The following KIF18B variants were observed in gnomAD, a reference collection of about 807,000 sequenced individuals.
KIF18B encodes the protein kinesin-like protein KIF18B.
Under a neutral mutation model 80.9 loss-of-function variants are expected in KIF18B, and 49 were observed. The ratio of observed to expected loss-of-function variants is 0.61; its 90% CI spans 0.48 to 0.77. KIF18B has a LOEUF of 0.77. KIF18B is among the 30% of genes least tolerant of loss of function. The pLI, the probability that KIF18B is intolerant of heterozygous loss-of-function variation, is 0.00. For synonymous variants in KIF18B, 439 were observed against 463.9 expected (o/e 0.95, Z 0.69); for missense variants, 994 against 1,127.7 (o/e 0.88, Z 1.70).
At chr17:44,940,061 G>A (rs1254408264) in intron 1 of KIF18B, among the ~76,000 whole-genome samples, 2 of 152,232 alleles carry the variant, frequency 1.3e-5, no homozygotes, top group Non-Finnish European at 2.9e-5. Context: ...GATTACAGGC[G>A]TGAGCCACTG....
chr17:44,936,614 ATATATATATATTTTT>A (rs2052309314), intron 1 of KIF18B, among the ~76,000 whole-genome samples: 12 of 79,118 alleles, frequency 1.5e-4, no homozygotes, highest in Admixed American at 3.4e-4. Flanking sequence ...ATATATATAT[ATATATATATATTTTT>A]TTTTTTTTTT....
chr17:44,927,137 C>A lies in KIF18B; in HGVS notation c.2277-59G>T. On this transcript the variant is annotated intron_variant, in intron 13 of 15. Coordinates refer to ENST00000593135, the MANE Select transcript of KIF18B (RefSeq NM_001265577.2). The surrounding 1 kb of genome is among the most constrained non-coding windows in gnomAD (Gnocchi z 4.1). ...GCAGGGAACCGGAAGCAAGGCCAGC[C>A]ACTTCCTCCCTCCAGCCCCCAGCTC... is the stretch of plus-strand genomic sequence containing the variant. 7.6e-7 allele frequency: 1 copy of A among 1,313,074 alleles called. No individual in the cohort carries two copies. Among genetic ancestry groups the A allele is most frequent in the Non-Finnish European group, 1.1e-6 (1 of 942,420 alleles). The allele number at this position is 1,313,074 out of a possible 1,614,324, so 81.3% of individuals were successfully genotyped here. A position where few individuals can be genotyped will look rare whatever the true frequency, so the allele number is the denominator to read the frequency against.
At chr17:44,936,512 ATC>A (rs1049663759) in intron 1 of KIF18B, 154 bp from the exon 2 acceptor site, 1 of 580,814 alleles carries the variant, frequency 1.7e-6, no homozygotes. Flanking sequence ...AACCAATTAT[ATC>A]TCTTTCTCAC....
chr17:44,928,592 A>G lies in KIF18B; in HGVS notation c.1724-14T>C, dbSNP rs2052081934. 6.9e-7 allele frequency: 1 copy of G among 1,446,298 alleles called. No homozygotes were observed. Among genetic ancestry groups the G allele is most frequent in the Non-Finnish European group, 9.0e-7 (1 of 1,106,572 alleles). The allele number at this position is 1,446,298 out of a possible 1,614,324, so 89.6% of individuals were successfully genotyped here. ...ACGGCACAGGGACTGCACAGAAGGA[A>G]GGAGAGTTTGTAGAACTTGGGGAGC... On this transcript the variant is annotated splice_polypyrimidine_tract_variant and intron_variant, in intron 12 of 15. Coordinates refer to ENST00000593135, the MANE Select transcript of KIF18B (RefSeq NM_001265577.2).
rs375780925 is a variant in KIF18B at position 44,926,396 on chromosome 17, G to A, written c.2452+18C>T. 127 of 1,562,184 alleles carry A rather than the reference G, an allele frequency of 8.1e-5. 1 individual carries two copies. In the African/African-American group the frequency reaches 1.5e-3, roughly 19 times the overall value. ...GGCCTCCATGGCCCAGGCTATCCCTGTCCCTAGTGCCAGTCACCTGGGAGT... is the reference window on the plus strand; with the variant it reads ...GGCCTCCATGGCCCAGGCTATCCCTATCCCTAGTGCCAGTCACCTGGGAGT... On this transcript the variant is annotated intron_variant, in intron 15 of 15. Coordinates refer to ENST00000593135, the MANE Select transcript of KIF18B (RefSeq NM_001265577.2).
In KIF18B at chr17:44,934,383, G is replaced by T; in HGVS notation, c.735C>A (p.Val245=). The part of the protein sequence containing the change: ...QDRVPGLTQA[V]QVAKMSLIDL... ...CAATCAGGCTCATCTTGGCCACCTG[G>T]ACAGCCTGGGTCAGTCCTGGAACCC... is the stretch of plus-strand genomic sequence containing the variant. Residue 245 remains valine, a synonymous_variant, in exon 6 of 16, where the codon GTC becomes GTA. Coordinates refer to ENST00000593135, the MANE Select transcript of KIF18B (RefSeq NM_001265577.2). The surrounding 1 kb of genome is among the most constrained non-coding windows in gnomAD (Gnocchi z 5.4). 1 of 1,606,916 alleles carries T rather than the reference G, an allele frequency of 6.2e-7. No individual in the cohort carries two copies. Among genetic ancestry groups the T allele is most frequent in the Admixed American group, 1.7e-5 (1 of 58,888 alleles).
Position 44,933,918 on chromosome 17 carries a change from C to T in KIF18B, c.1062+5G>A, listed in dbSNP as rs762066174. 16 of 1,553,678 alleles carry T rather than the reference C, an allele frequency of 1.0e-5. No individual in the cohort carries two copies. Among genetic ancestry groups the T allele is most frequent in the East Asian group, 2.4e-5 (1 of 41,610 alleles). On this transcript the variant is annotated splice_donor_5th_base_variant and intron_variant, in intron 7 of 15. Coordinates refer to ENST00000593135, the MANE Select transcript of KIF18B (RefSeq NM_001265577.2). ...ACGCCCAAGCCGGCCCTGGCTGGCA[C>T]GCACCGAGAGCCTGATCTCCTTGGC...
At chr17:44,947,476 G>A (rs1247275953) in intron 1 of KIF18B, among the ~76,000 whole-genome samples, 152 bp downstream of exon 1, 1 of 152,200 alleles carries the variant, frequency 6.6e-6, no homozygotes, top group Non-Finnish European at 1.5e-5. Context: ...GCCTGCCGGG[G>A]CGGCAGCAAA....
At chr17:44,928,794 C>T in intron 12 of KIF18B, 25 bp downstream of exon 12, 1 of 1,607,886 alleles carries the variant, frequency 6.2e-7, no homozygotes, top group Non-Finnish European at 8.5e-7. Context: ...TGAAGACAGG[C>T]AGGGGAGAGC....
chr17:44,926,911 C>G, intron 14 of KIF18B, 78 bp downstream of exon 14: 1 of 1,256,998 alleles, frequency 8.0e-7, no homozygotes, highest in Non-Finnish European at 1.1e-6. Flanking sequence ...ACTGGGGGCC[C>G]AGAGTCGGCC....
chr17:44,940,657 G>T (rs1362860173), intron 1 of KIF18B, among the ~76,000 whole-genome samples: 2 of 152,192 alleles, frequency 1.3e-5, no homozygotes, highest in African/African-American at 4.8e-5. Context: ...AGGAACAGGG[G>T]CTGTTCCTGG....
At chr17:44,945,990 T>A (rs565249519) in intron 1 of KIF18B, among the ~76,000 whole-genome samples, 2 of 144,458 alleles carry the variant, frequency 1.4e-5, no homozygotes, top group Non-Finnish European at 3.0e-5. Flanking sequence ...GAAGCTGAGG[T>A]AGGAGAATAG....
rs74663831 is a variant in KIF18B at position 44,929,553 on chromosome 17, A to T, written c.1518-529T>A. 2.0e-3 allele frequency among the ~76,000 whole-genome samples: 309 copies of T among 152,344 alleles called. 10 individuals are homozygous for T. The East Asian group carries it at 0.023, about 12-fold the overall frequency. On this transcript the variant is annotated intron_variant, in intron 11 of 15. Coordinates refer to ENST00000593135, the MANE Select transcript of KIF18B (RefSeq NM_001265577.2). The stretch of plus-strand genomic sequence containing the variant: ...GTCTCCACAACCTTAGAATGGGGAT[A>T]ACAAATGCCCCCACCTCATAGGGTT...
chr17:44,928,375 G>T lies in KIF18B; in HGVS notation c.1927C>A (p.Pro643Thr). ...SALEADSPMA[P>T]KRGTKRQRQS... ...CGCTGGCGCTTGGTGCCCCGCTTTG[G>T]GGCCATGGGACTGTCTGCCTCCAAG... is the stretch of plus-strand genomic sequence containing the variant. Residue 643 changes from proline (P) to threonine (T), a missense_variant, in exon 13 of 16, where the codon CCA (proline) becomes ACA (threonine). By Grantham distance (38) the Pro-to-Thr change is conservative. Coordinates refer to ENST00000593135, the MANE Select transcript of KIF18B (RefSeq NM_001265577.2). 6.3e-7 allele frequency: 1 copy of T among 1,585,534 alleles called. No homozygotes were observed. Among genetic ancestry groups the T allele is most frequent in the Non-Finnish European group, 8.6e-7 (1 of 1,167,592 alleles).
At position 44,934,458 on chromosome 17, in the gene KIF18B, G is replaced by T; in HGVS notation, c.688-28C>A. On this transcript the variant is annotated intron_variant, in intron 5 of 15. Coordinates refer to ENST00000593135, the MANE Select transcript of KIF18B (RefSeq NM_001265577.2). The surrounding 1 kb of genome is among the most constrained non-coding windows in gnomAD (Gnocchi z 5.4). The stretch of plus-strand genomic sequence containing the variant: ...GAAGGCAGATGGCAGGGGTGAGGGG[G>T]AGATGGGCATCAGGGGCACTGGTTT... 3.1e-6 allele frequency: 5 copies of T among 1,604,362 alleles called. No homozygotes were observed. Among genetic ancestry groups the T allele is most frequent in the Non-Finnish European group, 4.3e-6 (5 of 1,174,142 alleles).
rs755645107 is a variant in KIF18B, at chr17:44,928,058, C to T, written c.2244G>A (p.Glu748=). 5 of 1,533,092 alleles carry T rather than the reference C, an allele frequency of 3.3e-6. No individual in the cohort carries two copies. The African/African-American group carries it at 6.9e-5, about 21-fold the overall frequency. The allele number at this position is 1,533,092 out of a possible 1,614,324, so 95.0% of individuals were successfully genotyped here. ...ECIGWDKIPQ[E]LSRLDQPFIP... is the part of the protein sequence containing the mutation. ...TGAAGGGCTGGTCCAGCCTGCTCAG[C>T]TCCTGGGGTATTTTGTCCCAGCCAA... The change falls in exon 13 of 16, where the codon GAG becomes GAA. Residue 748 remains glutamate (E), a synonymous_variant. Coordinates refer to ENST00000593135, the MANE Select transcript of KIF18B (RefSeq NM_001265577.2).
Position 44,928,857 on chromosome 17 carries a change from C to G in KIF18B, c.1685G>C (p.Arg562Thr). ...CAGCTCCTGAGCCAGAGGTGCCCCC[C>G]TGGCCAGGCCTGAAGTCCTCAAGGC... The part of the protein sequence containing the change: ...AEALRTSGLA[R>T]GAPLAQELCS... The change falls in exon 12 of 16, where the codon AGG becomes ACG. Residue 562 changes from arginine to threonine, a missense_variant. Coordinates refer to ENST00000593135, the MANE Select transcript of KIF18B (RefSeq NM_001265577.2). 1.2e-6 allele frequency: 2 copies of G among 1,613,892 alleles called. No homozygotes were observed. Among genetic ancestry groups the G allele is most frequent in the Non-Finnish European group, 1.7e-6 (2 of 1,179,832 alleles).
intron 1 of KIF18B, among the ~76,000 whole-genome samples, chr17:44,943,892 T>G (rs1190876024): frequency 6.6e-6 from 1 of 152,226 alleles, no homozygotes; most frequent in East Asian, 1.9e-4. Context: ...AATTTTTAAT[T>G]TTTTTGTAGA....
intron 1 of KIF18B, among the ~76,000 whole-genome samples, chr17:44,940,231 A>C (rs1427871024): frequency 6.6e-6 from 1 of 152,258 alleles, no homozygotes; most frequent in Admixed American, 6.5e-5. Flanking sequence ...TCTTTCAATT[A>C]AATGATGATA....
Sources: allele counts gnomAD v4.1 joint callset (sites outside exome capture counted in the v4.1 genomes callset), GRCh38; gene constraint gnomAD v4.1.1; non-coding constraint Gnocchi (gnomAD v3.1); transcripts MANE v1.5; gene names NCBI Gene and HGNC (gene_info 2026-07-23, HGNC 2026-07-21).